Variants in OPCML observed in about 807,000 individuals in gnomAD.
The protein encoded by OPCML is opioid-binding protein/cell adhesion molecule.
OPCML carries 13 observed loss-of-function variants against 37.8 expected under a neutral mutation model. That is an observed-to-expected ratio of 0.34 (90% CI 0.22 to 0.55). The LOEUF (loss-of-function observed/expected upper bound fraction) is 0.55. Among genes scored for constraint, OPCML ranks in the 20% least tolerant of loss-of-function variants. The pLI is 0.91. For missense variants in OPCML, 341 were observed against 435.6 expected (o/e 0.78, Z 1.93); for synonymous variants, 176 against 168.8 (o/e 1.04, Z -0.33).
chr11:132,451,663 T>C (rs2096068667), intron 4 of OPCML, among the ~76,000 whole-genome samples: 1 of 152,202 alleles, frequency 6.6e-6, no homozygotes, highest in South Asian at 2.1e-4. Context: ...GCGGCTCTGT[T>C]GCTGCCCCTG....
intron 3 of OPCML, among the ~76,000 whole-genome samples, chr11:132,649,054 G>A (rs1172562797): frequency 6.6e-6 from 1 of 152,180 alleles, no homozygotes; most frequent in Non-Finnish European, 1.5e-5. Context: ...AAAACTGTGT[G>A]AGCGTGTGTG....
In OPCML at chr11:133,004,746, C is replaced by T. The variant is rs568588196; in HGVS notation, c.62-61736G>A. The T allele has an allele frequency of 1.1e-5, 11 of 985,310 alleles. No homozygotes were observed. In the East Asian group the frequency reaches 8.0e-4, roughly 71 times the overall value. 61.0% of individuals were successfully genotyped at this position (985,310 alleles called of 1,614,324 possible). On this transcript the variant is annotated intron_variant, in intron 1 of 7. Transcript: ENST00000524381. ...CTACTGAGAAGGTTCACACCGGACG[C>T]GTGGATGGACGCTGGCTCAGAAGCG...
At chr11:133,224,853 C>T (rs1045990579) in intron 1 of OPCML, among the ~76,000 whole-genome samples, 3 of 152,178 alleles carry the variant, frequency 2.0e-5, no homozygotes, top group Non-Finnish European at 4.4e-5. Flanking sequence ...CCTTTCTCAC[C>T]ATTAGGTGGT....
rs539143529 is a variant in OPCML, at chr11:132,766,878, C to T, written c.147-109559G>A. Among the ~76,000 whole-genome samples, 6 of 152,146 alleles carry T rather than the reference C, an allele frequency of 3.9e-5. No homozygotes were observed. The East Asian group carries it at 7.7e-4, about 20-fold the overall frequency. Reference sequence around the variant, plus strand: ...TGCATATTATATGATGTTGTATAAACGTTAAATATCCTTTCGTAATTGTAA... The same window carrying T: ...TGCATATTATATGATGTTGTATAAATGTTAAATATCCTTTCGTAATTGTAA... On this transcript the variant is annotated intron_variant, in intron 2 of 7. Transcript: ENST00000524381.
intron 1 of OPCML, among the ~76,000 whole-genome samples, chr11:133,414,278 C>A (rs1040676088): frequency 1.3e-5 from 2 of 152,102 alleles, no homozygotes; most frequent in Non-Finnish European, 2.9e-5. Flanking sequence ...GGTTTTCATC[C>A]TTGGCCAGCA....
At chr11:132,790,369 T>C (rs1014477850) in intron 2 of OPCML, among the ~76,000 whole-genome samples, 11 of 152,232 alleles carry the variant, frequency 7.2e-5, no homozygotes, top group African/African-American at 2.2e-4. Flanking sequence ...AGAGTTGAAA[T>C]GTTCCCAGCA....
chr11:132,805,389 C>G (rs1459264621), intron 2 of OPCML, among the ~76,000 whole-genome samples: 2 of 152,160 alleles, frequency 1.3e-5, no homozygotes, highest in African/African-American at 4.8e-5. Flanking sequence ...TTTTAAGATA[C>G]AGTGGCAGAG....
intron 1 of OPCML, among the ~76,000 whole-genome samples, chr11:133,272,965 C>G (rs554658319): frequency 6.6e-6 from 1 of 152,146 alleles, no homozygotes; most frequent in African/African-American, 2.4e-5. Context: ...TCTCTTTGCT[C>G]TCAATAAGAT....
chr11:133,440,913 G>A (rs1367203484), intron 1 of OPCML, among the ~76,000 whole-genome samples: 1 of 150,138 alleles, frequency 6.7e-6, no homozygotes, highest in Admixed American at 6.6e-5. Context: ...TACAGGCTTA[G>A]CCAATAAAAA....
At chr11:132,931,962 C>G (rs1386462380) in intron 2 of OPCML, among the ~76,000 whole-genome samples, 1 of 152,128 alleles carries the variant, frequency 6.6e-6, no homozygotes, top group Non-Finnish European at 1.5e-5. Context: ...CTGACCCATG[C>G]TACAGCATGG....
intron 4 of OPCML, among the ~76,000 whole-genome samples, chr11:132,438,408 A>G (rs1490858616): frequency 6.6e-6 from 1 of 152,238 alleles, no homozygotes; most frequent in African/African-American, 2.4e-5. Context: ...TTTCGCCACA[A>G]CCTTGTGCAA....
chr11:133,437,003 T>C (rs1199936173), intron 1 of OPCML, among the ~76,000 whole-genome samples: 1 of 152,220 alleles, frequency 6.6e-6, no homozygotes, highest in African/African-American at 2.4e-5. Context: ...CACATCCGCA[T>C]GAGCCCAGCC....
At chr11:133,078,749 A>G (rs1376056799) in intron 1 of OPCML, among the ~76,000 whole-genome samples, 1 of 152,150 alleles carries the variant, frequency 6.6e-6, no homozygotes, top group Non-Finnish European at 1.5e-5. Context: ...GGCTCCGATC[A>G]GGCACAAGAG....
intron 3 of OPCML, among the ~76,000 whole-genome samples, chr11:132,589,052 A>C (rs866881676): frequency 1.3e-5 from 2 of 152,320 alleles, no homozygotes; most frequent in South Asian, 2.1e-4. Context: ...TTTGCATTTG[A>C]TACGCAATAA....
intron 4 of OPCML, among the ~76,000 whole-genome samples, chr11:132,462,140 A>G (rs1015141584): frequency 3.3e-5 from 5 of 152,302 alleles, no homozygotes; most frequent in Admixed American, 2.6e-4. Flanking sequence ...AGAGAATAGA[A>G]TAGAATAAGT....
chr11:133,249,248 A>C (rs868092846), intron 1 of OPCML, among the ~76,000 whole-genome samples: 1 of 152,124 alleles, frequency 6.6e-6, no homozygotes, highest in African/African-American at 2.4e-5. Flanking sequence ...GCTTCCACTC[A>C]TGGCAGAAGG....
intron 4 of OPCML, among the ~76,000 whole-genome samples, chr11:132,510,292 A>T (rs545167919): frequency 4.7e-4 from 71 of 152,110 alleles, no homozygotes; most frequent in Non-Finnish European, 8.1e-4. Flanking sequence ...GGTGGAAGGG[A>T]CTTGTCTTGT....
At chr11:133,526,603 C>T (rs1276332534) in intron 1 of OPCML, among the ~76,000 whole-genome samples, 2 of 152,160 alleles carry the variant, frequency 1.3e-5, no homozygotes, top group East Asian at 3.9e-4. Flanking sequence ...TTTAATCCTT[C>T]CCTGAGCCAT....
At chr11:132,639,607 T>C (rs1315913262) in intron 3 of OPCML, among the ~76,000 whole-genome samples, 1 of 152,198 alleles carries the variant, frequency 6.6e-6, no homozygotes, top group Non-Finnish European at 1.5e-5. Context: ...ATAATCCTCA[T>C]GTTTGCAGGC....
Sources: gnomAD v4.1 joint callset for allele counts (sites outside exome capture counted in the v4.1 genomes callset) on GRCh38, gnomAD v4.1.1 for gene constraint, MANE v1.5 for transcripts, NCBI Gene and HGNC (gene_info 2026-07-23, HGNC 2026-07-21) for gene names.